The following ZFHX4 variants were observed in gnomAD, a reference collection of about 807,000 sequenced individuals.
The protein encoded by ZFHX4 is zinc finger homeobox 4.
ZFHX4 carries 56 observed loss-of-function variants against 267.6 expected under a neutral mutation model. That is an observed-to-expected ratio of 0.21 (90% confidence interval 0.17 to 0.26). The LOEUF (loss-of-function observed/expected upper bound fraction) is 0.26, where lower values mean the gene tolerates loss of function less well. ZFHX4 is among the 10% of genes least tolerant of loss of function. ZFHX4 has a pLI of 1.00. For synonymous variants in ZFHX4, 1,778 were observed against 1,665.6 expected (o/e 1.07, Z -1.64); for missense variants, 4,332 against 4,420.0 (o/e 0.98, Z 0.56).
At chr8:76,802,024 G>A (rs1414127875) in intron 4 of ZFHX4, among the ~76,000 whole-genome samples, 5 of 152,142 alleles carry the variant, frequency 3.3e-5, no homozygotes, top group African/African-American at 7.2e-5. Context: ...GTATGAAAGC[G>A]TAATAGGCAT....
At chr8:76,860,978 C>T (rs976951570) in intron 10 of ZFHX4, among the ~76,000 whole-genome samples, 1 of 152,108 alleles carries the variant, frequency 6.6e-6, no homozygotes, top group African/African-American at 2.4e-5. Context: ...GGGAGTTATG[C>T]TTGTGGGCCC....
intron 4 of ZFHX4, among the ~76,000 whole-genome samples, chr8:76,807,657 T>C (rs566965164): frequency 6.6e-6 from 1 of 152,248 alleles, no homozygotes; most frequent in Non-Finnish European, 1.5e-5. Flanking sequence ...GCCACACATA[T>C]TACAATCAGG....
intron 1 of ZFHX4, among the ~76,000 whole-genome samples, chr8:76,688,151 G>C (rs1807738049): frequency 6.6e-6 from 1 of 152,104 alleles, no homozygotes; most frequent in Non-Finnish European, 1.5e-5. Context: ...GCCAAATATT[G>C]ACTATTGGGT....
At chr8:76,732,836 C>A (rs1232572480) in intron 3 of ZFHX4, among the ~76,000 whole-genome samples, 2 of 152,048 alleles carry the variant, frequency 1.3e-5, no homozygotes, top group Non-Finnish European at 2.9e-5. Context: ...TTCAGTCTTT[C>A]CTTTCAGAAT....
At chr8:76,829,642 C>A (rs1466956543) in intron 4 of ZFHX4, among the ~76,000 whole-genome samples, 3 of 152,060 alleles carry the variant, frequency 2.0e-5, no homozygotes, top group African/African-American at 7.2e-5. Flanking sequence ...AACCCCATCT[C>A]TACTAAAAAT....
intron 3 of ZFHX4, among the ~76,000 whole-genome samples, chr8:76,760,210 C>T (rs1809873221): frequency 6.6e-6 from 1 of 152,108 alleles, no homozygotes; most frequent in African/African-American, 2.4e-5. Flanking sequence ...GATGTACCTA[C>T]CATTCCACAC....
chr8:76,816,553 G>A (rs1004337994), intron 4 of ZFHX4, among the ~76,000 whole-genome samples: 4 of 150,832 alleles, frequency 2.7e-5, no homozygotes, highest in Non-Finnish European at 5.9e-5. Context: ...AGGGAGCTGT[G>A]ACTGAGCTGT....
At chr8:76,829,509 A>T (rs914861740) in intron 4 of ZFHX4, among the ~76,000 whole-genome samples, 7 of 152,090 alleles carry the variant, frequency 4.6e-5, no homozygotes, top group African/African-American at 1.4e-4. Flanking sequence ...TTCATTCTTA[A>T]CGATTAAAAG....
chr8:76,822,411 G>C (rs1021173), intron 4 of ZFHX4, among the ~76,000 whole-genome samples: 3,399 of 148,074 alleles, frequency 0.023, 113 homozygotes, highest in African/African-American at 0.075. Context: ...TTTTCCTTTG[G>C]CCACTATTTT....
intron 3 of ZFHX4, among the ~76,000 whole-genome samples, chr8:76,744,207 G>A (rs144769185): frequency 0.017 from 2,604 of 152,068 alleles, 85 homozygotes; most frequent in African/African-American, 0.058. Flanking sequence ...TTAGTCGGGT[G>A]TGGTGGTGCG....
At position 76,851,040 on chromosome 8, in the gene ZFHX4, A is replaced by G. The variant is rs545110840; in HGVS notation, c.4119A>G (p.Thr1373=). 1 of 1,613,980 alleles carries G rather than the reference A, an allele frequency of 6.2e-7. No homozygotes were observed. Among genetic ancestry groups the G allele is most frequent in the Middle Eastern group, 1.6e-4 (1 of 6,062 alleles). Residue 1373 remains threonine, a synonymous_variant, in exon 10 of 11, where the codon ACA becomes ACG. Coordinates refer to ENST00000651372, the MANE Select transcript of ZFHX4 (RefSeq NM_024721.5). ...NSSKDVKIPD[T]LQDQLNEQQK... is the part of the protein sequence containing the mutation. ...GTAAGGATGTGAAAATCCCCGACAC[A>G]CTGCAAGATCAATTAAATGAACAGC...
At chr8:76,753,856 G>A (rs1387192600) in intron 3 of ZFHX4, among the ~76,000 whole-genome samples, 1 of 151,946 alleles carries the variant, frequency 6.6e-6, no homozygotes, top group Admixed American at 6.6e-5. Context: ...TTGAACTTCT[G>A]GGCTCAAGTG....
At chr8:76,706,745 C>T in intron 2 of ZFHX4, 67 bp downstream of exon 2, 1 of 1,441,908 alleles carries the variant, frequency 6.9e-7, no homozygotes, top group Non-Finnish European at 9.2e-7. Flanking sequence ...GCGTGATGCA[C>T]CCAGATAAAA....
rs761611371 is a variant in ZFHX4, at chr8:76,854,313, G to T, written c.7392G>T (p.Ser2464=). The T allele has an allele frequency of 1.2e-6, 2 of 1,612,830 alleles. No individual in the cohort carries two copies. The highest frequency in any genetic ancestry group is 1.7e-6 in the Non-Finnish European group (2 of 1,179,474). ...KQPQLIGRPP[S]ASQTPVPSSP... is the part of the protein sequence containing the mutation. ...CCCAACTTATCGGAAGACCTCCCTC[G>T]GCCTCTCAAACACCGGTCCCTTCCA... Residue 2464 remains serine (S), a synonymous_variant, in exon 10 of 11, where the codon TCG becomes TCT. Transcript: ENST00000651372.
At chr8:76,763,549 G>C (rs1809973034) in intron 3 of ZFHX4, among the ~76,000 whole-genome samples, 1 of 152,126 alleles carries the variant, frequency 6.6e-6, no homozygotes, top group Non-Finnish European at 1.5e-5. Flanking sequence ...CTTGAGACAA[G>C]GAAGTTGAGG....
chr8:76,744,783 A>G (rs1445012650), intron 3 of ZFHX4, among the ~76,000 whole-genome samples: 1 of 152,136 alleles, frequency 6.6e-6, no homozygotes, highest in Non-Finnish European at 1.5e-5. Context: ...AAATGAAATT[A>G]TTTACTTACA....
In ZFHX4 at chr8:76,768,500, G is replaced by A. The variant is rs143325375; in HGVS notation, c.3094-9708G>A. Among the ~76,000 whole-genome samples the A allele has an allele frequency of 2.6e-5, 4 of 152,234 alleles. No individual in the cohort carries two copies. The East Asian group carries it at 7.8e-4, about 30-fold the overall frequency. On this transcript the variant is annotated intron_variant, in intron 3 of 10. Coordinates refer to ENST00000651372, the MANE Select transcript of ZFHX4 (RefSeq NM_024721.5). ...AAAGTAGGGGGAAAGAGAAAGATGAGGGCAACATTAGAATAAGCAAACACT... is the reference window on the plus strand; with the variant it reads ...AAAGTAGGGGGAAAGAGAAAGATGAAGGCAACATTAGAATAAGCAAACACT...
chr8:76,716,373 A>G (rs901428858), intron 3 of ZFHX4, among the ~76,000 whole-genome samples: 1 of 152,142 alleles, frequency 6.6e-6, no homozygotes, highest in Non-Finnish European at 1.5e-5. Flanking sequence ...ATGTAAGTTA[A>G]ATTCTTTGTG....
chr8:76,857,594 G>C (rs1812767197), intron 10 of ZFHX4, among the ~76,000 whole-genome samples: 1 of 152,014 alleles, frequency 6.6e-6, no homozygotes, highest in East Asian at 1.9e-4. Context: ...CTGGTTTTCT[G>C]TTCTGAGTCA....
Sources: gnomAD v4.1 joint callset for allele counts (sites outside exome capture counted in the v4.1 genomes callset) on GRCh38, gnomAD v4.1.1 for gene constraint, MANE v1.5 for transcripts, NCBI Gene and HGNC (gene_info 2026-07-23, HGNC 2026-07-21) for gene names.